The following PPM1H variants were observed in gnomAD, a reference collection of about 807,000 sequenced individuals.
The protein encoded by PPM1H is protein phosphatase 1H.
Under a neutral mutation model 54.9 loss-of-function variants are expected in PPM1H, and 27 were observed. The ratio of observed to expected loss-of-function variants is 0.49; its 90% CI spans 0.36 to 0.68. The LOEUF is 0.68. PPM1H is among the 30% of genes least tolerant of loss of function. PPM1H has a pLI of 0.00. For missense variants in PPM1H, 596 were observed against 667.8 expected (o/e 0.89, Z 1.19); for synonymous variants, 305 against 270.8 (o/e 1.13, Z -1.24).
At chr12:62,929,994 G>T (rs910244986) in intron 1 of PPM1H, among the ~76,000 whole-genome samples, 11 of 152,112 alleles carry the variant, frequency 7.2e-5, no homozygotes, top group African/African-American at 2.7e-4. Flanking sequence ...AGAGGGGCAG[G>T]TATGCCAGGA....
chr12:62,794,543 A>G (rs891988107), intron 3 of PPM1H, among the ~76,000 whole-genome samples: 1 of 152,132 alleles, frequency 6.6e-6, no homozygotes, highest in Non-Finnish European at 1.5e-5. Context: ...TGGGGAATCT[A>G]GACCCACTCT....
At chr12:62,755,192 T>A in intron 4 of PPM1H, 3 of 609,050 alleles carry the variant, frequency 4.9e-6, no homozygotes, top group Non-Finnish European at 9.2e-6. Flanking sequence ...CCGCCTCTTC[T>A]CTCTCATTGA....
intron 1 of PPM1H, among the ~76,000 whole-genome samples, chr12:62,840,630 G>A (rs12314963): frequency 0.087 from 13,308 of 152,120 alleles, 958 homozygotes; most frequent in African/African-American, 0.2. Context: ...GTAAGAAAAG[G>A]CTCTCCCAGC....
chr12:62,909,337 C>T (rs1871389383), intron 1 of PPM1H, among the ~76,000 whole-genome samples: 1 of 152,196 alleles, frequency 6.6e-6, no homozygotes. Context: ...AAAACAATTT[C>T]CCATGTTCCT....
chr12:62,848,883 G>C (rs1326869669), intron 1 of PPM1H, among the ~76,000 whole-genome samples: 1 of 152,100 alleles, frequency 6.6e-6, no homozygotes, highest in Non-Finnish European at 1.5e-5. Flanking sequence ...AACCTGGTGG[G>C]GTTGGGGGGG....
chr12:62,770,123 T>C (rs2076569843), intron 4 of PPM1H, among the ~76,000 whole-genome samples: 1 of 151,898 alleles, frequency 6.6e-6, no homozygotes, highest in African/African-American at 2.4e-5. Flanking sequence ...GGGTCCCTAG[T>C]TTTTATTTTT....
At chr12:62,744,448 G>GCAAC (rs2076399191) in intron 4 of PPM1H, among the ~76,000 whole-genome samples, 1 of 144,454 alleles carries the variant, frequency 6.9e-6, no homozygotes, top group South Asian at 2.2e-4. Context: ...TCCAGCCTGG[G>GCAAC]CAACAGAGTG....
Position 62,776,837 on chromosome 12 carries a change from T to C in PPM1H, c.869+11389A>G, listed in dbSNP as rs1190051022. On this transcript the variant is annotated intron_variant, in intron 4 of 9. Transcript: ENST00000228705. ...CTTGCTTAAACAAGACAGGATAGAG[T>C]TGAAGGTGAAATGCCCATATTGTTC... Among the ~76,000 whole-genome samples, 3 of 152,068 alleles carry C rather than the reference T, an allele frequency of 2.0e-5. No homozygotes were observed. The East Asian group carries it at 5.8e-4, about 29-fold the overall frequency.
chr12:62,751,542 G>C (rs1284308752), intron 4 of PPM1H, among the ~76,000 whole-genome samples: 3 of 152,308 alleles, frequency 2.0e-5, no homozygotes, highest in South Asian at 2.1e-4. Flanking sequence ...GTTGGAAAAG[G>C]GAAAATAATT....
At chr12:62,779,636 A>T (rs181493321) in intron 4 of PPM1H, among the ~76,000 whole-genome samples, 1 of 152,288 alleles carries the variant, frequency 6.6e-6, no homozygotes, top group East Asian at 1.9e-4. Context: ...ACAGTTGACA[A>T]CACTCAGTAC....
At chr12:62,704,190 G>A (rs1592553086) in intron 6 of PPM1H, among the ~76,000 whole-genome samples, 1 of 152,168 alleles carries the variant, frequency 6.6e-6, no homozygotes, top group Non-Finnish European at 1.5e-5. Context: ...TCTGAGGCAT[G>A]CTTAACAACA....
chr12:62,747,702 A>G (rs1349137866), intron 4 of PPM1H, among the ~76,000 whole-genome samples: 1 of 152,216 alleles, frequency 6.6e-6, no homozygotes, highest in Non-Finnish European at 1.5e-5. Context: ...CTCTCAAGGT[A>G]AAAACCTTTT....
intron 2 of PPM1H, 43 bp from the exon 3 acceptor site, chr12:62,802,203 C>A: frequency 6.8e-7 from 1 of 1,474,622 alleles, no homozygotes; most frequent in Non-Finnish European, 9.1e-7. Context: ...CGGCTGTGGA[C>A]TTTGCCTCAG....
intron 1 of PPM1H, among the ~76,000 whole-genome samples, chr12:62,907,165 T>C (rs917398161): frequency 6.6e-6 from 1 of 152,214 alleles, no homozygotes; most frequent in Non-Finnish European, 1.5e-5. Flanking sequence ...TTTCTCCCTG[T>C]TCTTCCCACC....
Position 62,648,542 on chromosome 12 carries a change from C to A in PPM1H, c.1492G>T (p.Asp498Tyr). ...RISNDRLGSG[D>Y]DISVYVIPLI... Reference sequence around the variant, plus strand: ...GGAATGACATATACAGAAATGTCGTCTCCTGAGCCCAGTCGGTCATTAGAT... The same window carrying A: ...GGAATGACATATACAGAAATGTCGTATCCTGAGCCCAGTCGGTCATTAGAT... Residue 498 changes from aspartate to tyrosine, a missense_variant, in exon 10 of 10, where the codon GAC becomes TAC. This residue lies in a region of PPM1H where 208 missense variants were observed against 259.5 expected (regional missense o/e 0.80). Coordinates refer to ENST00000228705, the MANE Select transcript of PPM1H (RefSeq NM_020700.2). 18 of 1,613,984 alleles carry A rather than the reference C, an allele frequency of 1.1e-5. No homozygotes were observed. Among genetic ancestry groups the A allele is most frequent in the Non-Finnish European group, 1.5e-5 (18 of 1,179,880 alleles).
intron 2 of PPM1H, 134 bp downstream of exon 2, chr12:62,831,980 C>A: frequency 3.8e-6 from 4 of 1,055,976 alleles, no homozygotes; most frequent in Non-Finnish European, 5.5e-6. Context: ...GATAGGCCCG[C>A]CACCCCACTA....
At chr12:62,858,050 CA>C (rs1261774748) in intron 1 of PPM1H, among the ~76,000 whole-genome samples, 1 of 151,828 alleles carries the variant, frequency 6.6e-6, no homozygotes, top group African/African-American at 2.4e-5. Flanking sequence ...AATGGATCCC[CA>C]AATGGACCAT....
chr12:62,758,998 A>G (rs140841376), intron 4 of PPM1H, among the ~76,000 whole-genome samples: 2 of 152,336 alleles, frequency 1.3e-5, no homozygotes, highest in East Asian at 3.9e-4. Context: ...CCTTGAGAAT[A>G]TACTTTGTGA....
chr12:62,859,093 C>A (rs1180501336), intron 1 of PPM1H, among the ~76,000 whole-genome samples: 3 of 152,182 alleles, frequency 2.0e-5, no homozygotes, highest in Admixed American at 6.5e-5. Context: ...CATATGAATT[C>A]TATAACCATA....
Sources: gnomAD v4.1 joint callset for allele counts (sites outside exome capture counted in the v4.1 genomes callset) on GRCh38, gnomAD v4.1.1 for gene constraint, gnomAD v4.1.1 regional missense constraint, MANE v1.5 for transcripts, NCBI Gene and HGNC (gene_info 2026-07-23, HGNC 2026-07-21) for gene names.